Variants in CEP164 observed in about 807,000 individuals in gnomAD.
CEP164 encodes centrosomal protein of 164 kDa.
A neutral mutation model predicts 182.7 loss-of-function variants in CEP164; 162 were observed. The ratio of observed to expected loss-of-function variants is 0.89; its 90% CI spans 0.78 to 1.01. The LOEUF (loss-of-function observed/expected upper bound fraction) is 1.01, where lower values mean the gene tolerates loss of function less well. Among genes scored for constraint, CEP164 ranks in the 50% least tolerant of loss-of-function variants. The probability of loss-of-function intolerance (pLI) is 0.00; values close to 1 mark genes in which losing one functional copy is unlikely to be tolerated. For missense variants in CEP164, 1,735 were observed against 1,790.4 expected (o/e 0.97, Z 0.56); for synonymous variants, 661 against 690.0 (o/e 0.96, Z 0.66).
At chr11:117,336,440 G>A (rs758070891) in intron 2 of CEP164, 8 of 1,399,036 alleles carry the variant, frequency 5.7e-6, no homozygotes, top group Non-Finnish European at 8.1e-6. Flanking sequence ...TACCCTGGCT[G>A]TGGTACAGGA....
intron 5 of CEP164, 52 bp from the exon 6 acceptor site, chr11:117,361,783 C>G (rs2041007705): frequency 1.2e-6 from 2 of 1,604,222 alleles, no homozygotes; most frequent in Non-Finnish European, 1.7e-6. Context: ...CTCCGACACT[C>G]CCAGAGCCAC....
At chr11:117,333,353 CCAACT>C (rs1408623058) in intron 1 of CEP164, among the ~76,000 whole-genome samples, 4 of 152,074 alleles carry the variant, frequency 2.6e-5, no homozygotes, top group African/African-American at 9.7e-5. Context: ...TGTTACCACT[CCAACT>C]CAGGTTACCA....
At chr11:117,358,581 T>C (rs2040577827) in intron 5 of CEP164, among the ~76,000 whole-genome samples, 1 of 150,332 alleles carries the variant, frequency 6.7e-6, no homozygotes, top group Non-Finnish European at 1.5e-5. Context: ...TTTTGCTCTG[T>C]TGTCCATGCT....
At chr11:117,329,581 G>C (rs929326419) in intron 1 of CEP164, among the ~76,000 whole-genome samples, 1 of 152,074 alleles carries the variant, frequency 6.6e-6, no homozygotes, top group Admixed American at 6.6e-5. Context: ...TTGCTCTGTC[G>C]CCCAGGCTGG....
chr11:117,392,414 G>C, intron 18 of CEP164, 82 bp from the exon 19 acceptor site: 1 of 1,568,316 alleles, frequency 6.4e-7, no homozygotes, highest in African/African-American at 1.3e-5. Flanking sequence ...TGGATGCCAG[G>C]TCCTCAGAAC....
intron 27 of CEP164, among the ~76,000 whole-genome samples, chr11:117,403,497 C>T (rs536070769): frequency 6.6e-6 from 1 of 152,330 alleles, no homozygotes; most frequent in Admixed American, 6.5e-5. Flanking sequence ...TCTCTTCTAG[C>T]TTGTAGGGTT....
At chr11:117,395,275 T>A in intron 23 of CEP164, 84 bp downstream of exon 23, 1 of 1,511,662 alleles carries the variant, frequency 6.6e-7, no homozygotes, top group Non-Finnish European at 9.1e-7. Flanking sequence ...TTTGTTCATC[T>A]GATCTGTCCA....
At position 117,394,200 on chromosome 11, in the gene CEP164, G is replaced by A; in HGVS notation, c.2617-150G>A. On this transcript the variant is annotated intron_variant, in intron 20 of 32. Transcript: ENST00000278935. This position sits in a 1 kb window ranked among gnomAD's most constrained non-coding sequence, Gnocchi z 4.0. Reference sequence around the variant, plus strand: ...TGGGGCCAGGGCCGGTGCTGTGCTTGTAACCCTCCTCTTCTCCAAGAGCTG... The same window carrying A: ...TGGGGCCAGGGCCGGTGCTGTGCTTATAACCCTCCTCTTCTCCAAGAGCTG... The A allele has an allele frequency of 9.2e-7, 1 of 1,092,098 alleles. No individual in the cohort carries two copies. The highest frequency in any genetic ancestry group is 1.3e-6 in the Non-Finnish European group (1 of 767,538). The allele number at this position is 1,092,098 out of a possible 1,614,324, so 67.7% of individuals were successfully genotyped here.
chr11:117,359,273 C>T (rs189663141), intron 5 of CEP164, among the ~76,000 whole-genome samples: 7 of 152,296 alleles, frequency 4.6e-5, no homozygotes, highest in African/African-American at 1.2e-4. Flanking sequence ...CACCAACCTC[C>T]GTTTGCTCGT....
intron 14 of CEP164, chr11:117,386,580 G>A (rs1371349766): frequency 1.3e-5 from 2 of 152,936 alleles, no homozygotes; most frequent in African/African-American, 4.8e-5. Flanking sequence ...GTGCATGCTT[G>A]CTACATTTTT....
chr11:117,412,429 G>A lies in CEP164; in HGVS notation c.*261G>A, dbSNP rs2047454743. Reference sequence around the variant, plus strand: ...GCTGATGGCGTGCGGTGGCTGCGGGGTATCAGGGCCGGGAGCCCTTTGGGA... The same window carrying A: ...GCTGATGGCGTGCGGTGGCTGCGGGATATCAGGGCCGGGAGCCCTTTGGGA... On this transcript the variant is annotated 3_prime_UTR_variant, in exon 33 of 33. Transcript: ENST00000278935. The A allele has an allele frequency of 5.6e-6, 2 of 354,498 alleles. No homozygotes were observed. Among genetic ancestry groups the A allele is most frequent in the Non-Finnish European group, 1.0e-5 (2 of 191,366 alleles). 22.0% of individuals were successfully genotyped at this position (354,498 alleles called of 1,614,324 possible). A position where few individuals can be genotyped will look rare whatever the true frequency, so the allele number is the denominator to read the frequency against.
chr11:117,408,157 A>G (rs2046927200), intron 28 of CEP164, 125 bp downstream of exon 28: 1 of 623,570 alleles, frequency 1.6e-6, no homozygotes, highest in African/African-American at 1.9e-5. Flanking sequence ...ATTGGGCAGT[A>G]GGCTTGTCTA....
chr11:117,337,578 C>G (rs765143255), intron 2 of CEP164, among the ~76,000 whole-genome samples: 2 of 151,214 alleles, frequency 1.3e-5, no homozygotes, highest in African/African-American at 4.9e-5. Flanking sequence ...TTCCACTTTT[C>G]CCCCATATCC....
Position 117,344,171 on chromosome 11 carries a change from C to A in CEP164, c.88C>A (p.Leu30Ile). The stretch of plus-strand genomic sequence containing the variant: ...ACCTCTGCCTCTCCTTGCAGAAATT[C>A]TTGAATTTGCCCGGGAGATTGGTAT... Reference protein sequence around the residue: ...ETYIPSEQEILEFAREIGIDP... With the variant: ...ETYIPSEQEIIEFAREIGIDP... Residue 30 changes from leucine (L) to isoleucine (I), a missense_variant, in exon 4 of 33, where the codon CTT becomes ATT. Transcript: ENST00000278935. The A allele has an allele frequency of 6.2e-7, 1 of 1,608,428 alleles. No individual in the cohort carries two copies. Among genetic ancestry groups the A allele is most frequent in the Non-Finnish European group, 8.5e-7 (1 of 1,176,804 alleles).
rs1156240703 is a variant in CEP164 at position 117,394,795 on chromosome 11, C to G, written c.2761-125C>G. ...CTTCCTGGGAGGCTGCAGGGGCACA[C>G]AGCGAGGAAGCCTGAGCCCAGAGTG... On this transcript the variant is annotated intron_variant, in intron 21 of 32. Coordinates refer to ENST00000278935, the MANE Select transcript of CEP164 (RefSeq NM_014956.5). The surrounding 1 kb of genome is among the most constrained non-coding windows in gnomAD (Gnocchi z 4.0). 1 of 1,033,206 alleles carries G rather than the reference C, an allele frequency of 9.7e-7. No individual in the cohort carries two copies. Among genetic ancestry groups the G allele is most frequent in the African/African-American group, 1.6e-5 (1 of 62,738 alleles). 64.0% of individuals were successfully genotyped at this position (1,033,206 alleles called of 1,614,324 possible). A position where few individuals can be genotyped will look rare whatever the true frequency, so the allele number is the denominator to read the frequency against.
At chr11:117,390,398 A>G (rs1337839897) in intron 15 of CEP164, among the ~76,000 whole-genome samples, 1 of 151,742 alleles carries the variant, frequency 6.6e-6, no homozygotes, top group East Asian at 2.0e-4. Context: ...CTGTAATCTC[A>G]GTGCTTTGGG....
intron 4 of CEP164, among the ~76,000 whole-genome samples, chr11:117,350,250 T>G (rs1202445156): frequency 6.6e-6 from 1 of 152,002 alleles, no homozygotes; most frequent in Non-Finnish European, 1.5e-5. Flanking sequence ...TCACCCAGGC[T>G]GGAGTGCAGT....
chr11:117,377,862 TTTTC>T (rs1032918744), intron 11 of CEP164, among the ~76,000 whole-genome samples: 44 of 152,196 alleles, frequency 2.9e-4, no homozygotes, highest in Admixed American at 2.4e-3. Flanking sequence ...CTTTCTTTTC[TTTTC>T]TTTCTTTTTT....
intron 1 of CEP164, among the ~76,000 whole-genome samples, chr11:117,332,312 C>T (rs1418888676): frequency 2.6e-5 from 4 of 152,114 alleles, no homozygotes; most frequent in East Asian, 1.9e-4. Context: ...CGGTGGCTCA[C>T]GCCTGTAATC....
Sources: gnomAD v4.1 joint callset for allele counts (sites outside exome capture counted in the v4.1 genomes callset) on GRCh38, gnomAD v4.1.1 for gene constraint, Gnocchi (gnomAD v3.1) non-coding constraint, MANE v1.5 for transcripts, NCBI Gene and HGNC (gene_info 2026-07-23, HGNC 2026-07-21) for gene names.